The following YIPF3 variants were observed in gnomAD, a reference collection of about 807,000 sequenced individuals.
YIPF3 encodes the protein protein YIPF3.
A neutral mutation model predicts 40.3 loss-of-function variants in YIPF3; 18 were observed. That is an observed-to-expected ratio of 0.45 (90% CI 0.31 to 0.66). The LOEUF is 0.66. YIPF3 is among the 30% of genes least tolerant of loss of function. The probability of loss-of-function intolerance (pLI) is 0.07; values close to 1 mark genes in which losing one functional copy is unlikely to be tolerated. For missense variants in YIPF3, 406 were observed against 452.2 expected (o/e 0.90, Z 0.93); for synonymous variants, 190 against 179.6 (o/e 1.06, Z -0.46).
In YIPF3 at chr6:43,516,901, A is replaced by G; in HGVS notation, c.-94T>C. 1 of 1,401,808 alleles carries G rather than the reference A, an allele frequency of 7.1e-7. No individual in the cohort carries two copies. The highest frequency in any genetic ancestry group is 9.9e-7 in the Non-Finnish European group (1 of 1,013,012). The allele number at this position is 1,401,808 out of a possible 1,614,324, so 86.8% of individuals were successfully genotyped here. A position where few individuals can be genotyped will look rare whatever the true frequency, so the allele number is the denominator to read the frequency against. ...TCCGGAAGGTAGACGTCCAGGGTCG[A>G]GGAGAGGTGGGATCGGCCGGAACAC... On this transcript the variant is annotated 5_prime_UTR_variant, in exon 1 of 9. Coordinates refer to ENST00000372422, the MANE Select transcript of YIPF3 (RefSeq NM_015388.4).
chr6:43,512,804 T>C lies in YIPF3; in HGVS notation c.737A>G (p.Tyr246Cys). The C allele has an allele frequency of 6.2e-7, 1 of 1,613,884 alleles. No homozygotes were observed. The highest frequency in any genetic ancestry group is 2.2e-5 in the East Asian group (1 of 44,856). The change falls in exon 7 of 9, where the codon TAC (tyrosine) becomes TGC (cysteine). Residue 246 changes from tyrosine (Y) to cysteine (C), a missense_variant. Physicochemically the swap from Tyr to Cys is radical, Grantham distance 194. Coordinates refer to ENST00000372422, the MANE Select transcript of YIPF3 (RefSeq NM_015388.4). ...TCCACCCACCAACAGCCAGAAGAGG[T>C]AGAAGAGGGCGTGGAGGTGGATATT... ...TYNIHLHALFYLFWLLVGGLS... is the reference protein window; with the variant it reads ...TYNIHLHALFCLFWLLVGGLS...
chr6:43,512,795 CAGAAGAGGT>C lies in YIPF3; in HGVS notation c.737_745del (p.Tyr246_Phe248del). On this transcript the variant is annotated inframe_deletion, in exon 7 of 9. Coordinates refer to ENST00000372422, the MANE Select transcript of YIPF3 (RefSeq NM_015388.4). Reference sequence around the variant, plus strand: ...TGTGGACAGTCCACCCACCAACAGCCAGAAGAGGTAGAAGAGGGCGTGGAGGTGGATATT... The same window carrying C: ...TGTGGACAGTCCACCCACCAACAGCCAGAAGAGGGCGTGGAGGTGGATATT... The C allele has an allele frequency of 6.2e-7, 1 of 1,613,998 alleles. No homozygotes were observed. Among genetic ancestry groups the C allele is most frequent in the Non-Finnish European group, 8.5e-7 (1 of 1,180,008 alleles).
At position 43,512,278 on chromosome 6, in the gene YIPF3, G is replaced by A. The variant is rs889721135; in HGVS notation, c.942C>T (p.Pro314=). 3 of 1,611,914 alleles carry A rather than the reference G, an allele frequency of 1.9e-6. No individual in the cohort carries two copies. Among genetic ancestry groups the A allele is most frequent in the Non-Finnish European group, 2.5e-6 (3 of 1,178,856 alleles). ...LDTLEGPNIP[P]IQRVPRDIPA... is the part of the protein sequence containing the mutation. ...GGATGTCTCTGGGGACCCTCTGGAT[G>A]GGCGGGATGTTGGGGCCCTCCAGTG... The change falls in exon 9 of 9, where the codon CCC becomes CCT. Residue 314 remains proline (P), a synonymous_variant. Coordinates refer to ENST00000372422, the MANE Select transcript of YIPF3 (RefSeq NM_015388.4).
Position 43,511,985 on chromosome 6 carries a change from G to T in YIPF3, c.*182C>A. Reference sequence around the variant, plus strand: ...CTGCAGAGCCTTGCAGTCCTGGCCAGGAGTTCTTGGCCTTGTGCCTTTCAG... The same window carrying T: ...CTGCAGAGCCTTGCAGTCCTGGCCATGAGTTCTTGGCCTTGTGCCTTTCAG... On this transcript the variant is annotated 3_prime_UTR_variant, in exon 9 of 9. Coordinates refer to ENST00000372422, the MANE Select transcript of YIPF3 (RefSeq NM_015388.4). 1.0e-6 allele frequency: 1 copy of T among 964,318 alleles called. No homozygotes were observed. Among genetic ancestry groups the T allele is most frequent in the Non-Finnish European group, 1.5e-6 (1 of 662,630 alleles). The allele number at this position is 964,318 out of a possible 1,614,324, so 59.7% of individuals were successfully genotyped here.
At position 43,515,743 on chromosome 6, in the gene YIPF3, G is replaced by T; in HGVS notation, c.289-42C>A. 1.9e-6 allele frequency: 3 copies of T among 1,610,120 alleles called. No individual in the cohort carries two copies. The South Asian group carries it at 3.3e-5, about 18-fold the overall frequency. On this transcript the variant is annotated intron_variant, in intron 2 of 8. Transcript: ENST00000372422. ...GGGCATAGGTATTGTGGTACTGTTG[G>T]TTCTAGATCCTGTTGCCTATTTTCC...
chr6:43,514,555 T>C (rs183225941), intron 3 of YIPF3, among the ~76,000 whole-genome samples: 108 of 152,336 alleles, frequency 7.1e-4, no homozygotes, highest in African/African-American at 2.5e-3. Context: ...TCTGGGAAAC[T>C]TGTCCTGTCC....
intron 1 of YIPF3, 129 bp from the exon 2 acceptor site, chr6:43,516,224 G>A (rs1319941285): frequency 8.0e-6 from 12 of 1,497,880 alleles, no homozygotes; most frequent in Non-Finnish European, 9.8e-6. Context: ...TACAGATCAT[G>A]CCACTCCATT....
Position 43,512,002 on chromosome 6 carries a change from G to T in YIPF3, c.*165C>A. The T allele has an allele frequency of 8.7e-7, 1 of 1,144,422 alleles. No homozygotes were observed. Among genetic ancestry groups the T allele is most frequent in the Non-Finnish European group, 1.2e-6 (1 of 814,966 alleles). 70.9% of individuals were successfully genotyped at this position (1,144,422 alleles called of 1,614,324 possible). A position where few individuals can be genotyped will look rare whatever the true frequency, so the allele number is the denominator to read the frequency against. On this transcript the variant is annotated 3_prime_UTR_variant, in exon 9 of 9. Transcript: ENST00000372422. Reference sequence around the variant, plus strand: ...CCTGGCCAGGAGTTCTTGGCCTTGTGCCTTTCAGAAGTGCCGACAGGCATC... The same window carrying T: ...CCTGGCCAGGAGTTCTTGGCCTTGTTCCTTTCAGAAGTGCCGACAGGCATC...
Position 43,515,633 on chromosome 6 carries a change from T to G in YIPF3, c.357A>C (p.Arg119Ser). 6.2e-7 allele frequency: 1 copy of G among 1,613,632 alleles called. No individual in the cohort carries two copies. The highest frequency in any genetic ancestry group is 1.1e-5 in the South Asian group (1 of 91,044). ...FSLYANIDIL[R>S]PYFDVEPAQV... Reference sequence around the variant, plus strand: ...GAGCAGGCTCCACATCAAAGTAGGGTCTGAGGATGTCGATGTTGGCGTACA... The same window carrying G: ...GAGCAGGCTCCACATCAAAGTAGGGGCTGAGGATGTCGATGTTGGCGTACA... Residue 119 changes from arginine to serine, a missense_variant, in exon 3 of 9, where the codon AGA (arginine) becomes AGC (serine). Transcript: ENST00000372422.
intron 5 of YIPF3, 24 bp from the exon 6 acceptor site, chr6:43,513,224 G>T (rs1792708022): frequency 6.2e-7 from 1 of 1,613,834 alleles, no homozygotes; most frequent in African/African-American, 1.3e-5. Context: ...GCTCTATTTA[G>T]TCCTAGGAGG....
intron 1 of YIPF3, chr6:43,516,385 G>A (rs751178412): frequency 1.9e-5 from 13 of 677,132 alleles, no homozygotes; most frequent in African/African-American, 7.3e-5. Flanking sequence ...TCTTTCCTAA[G>A]CCCCAAACAA....
At chr6:43,512,678 T>C in intron 7 of YIPF3, 83 bp downstream of exon 7, 3 of 1,554,268 alleles carry the variant, frequency 1.9e-6, no homozygotes, top group Non-Finnish European at 2.6e-6. Context: ...TTTAGGGCTC[T>C]TTGTGAGATG....
chr6:43,516,500 T>C, intron 1 of YIPF3: 1 of 637,492 alleles, frequency 1.6e-6, no homozygotes, highest in Non-Finnish European at 2.7e-6. Context: ...GAATACCTTC[T>C]TCCTAATGCC....
intron 3 of YIPF3, among the ~76,000 whole-genome samples, chr6:43,514,085 CA>C (rs1792725619): frequency 6.6e-6 from 1 of 152,142 alleles, no homozygotes. Context: ...ACGAAAAATA[CA>C]AAAAATTAGC....
At chr6:43,516,649 C>G in intron 1 of YIPF3, 78 bp downstream of exon 1, 1 of 1,540,236 alleles carries the variant, frequency 6.5e-7, no homozygotes, top group Non-Finnish European at 8.8e-7. Flanking sequence ...CTTCCAGGCC[C>G]AGAGGGGGAA....
At chr6:43,515,405 T>G in intron 3 of YIPF3, 190 bp downstream of exon 3, 1 of 686,698 alleles carries the variant, frequency 1.5e-6, no homozygotes. Flanking sequence ...AGATGAGTAG[T>G]CAGTTAGATG....
chr6:43,513,772 C>T (rs1792718229), intron 3 of YIPF3, 139 bp from the exon 4 acceptor site: 1 of 781,604 alleles, frequency 1.3e-6, no homozygotes, highest in African/African-American at 1.7e-5. Flanking sequence ...CACGGTAGAA[C>T]AGGGTAGTAA....
In YIPF3 at chr6:43,516,915, C is replaced by A; in HGVS notation, c.-108G>T. 1 of 1,325,104 alleles carries A rather than the reference C, an allele frequency of 7.5e-7. No individual in the cohort carries two copies. Among genetic ancestry groups the A allele is most frequent in the African/African-American group, 1.5e-5 (1 of 68,132 alleles). The allele number at this position is 1,325,104 out of a possible 1,614,324, so 82.1% of individuals were successfully genotyped here. ...GTCCAGGGTCGAGGAGAGGTGGGAT[C>A]GGCCGGAACACAAAAAGGAGAAGCC... On this transcript the variant is annotated 5_prime_UTR_variant, in exon 1 of 9. Coordinates refer to ENST00000372422, the MANE Select transcript of YIPF3 (RefSeq NM_015388.4).
Position 43,513,464 on chromosome 6 carries a change from C to G in YIPF3, c.442-13G>C, listed in dbSNP as rs780542848. ...CACCTGCAATTTTCTGTCAATATAC[C>G]AATTCATTCAGGCTGGAGGGTACAA... On this transcript the variant is annotated splice_polypyrimidine_tract_variant and intron_variant, in intron 4 of 8. Coordinates refer to ENST00000372422, the MANE Select transcript of YIPF3 (RefSeq NM_015388.4). 4.3e-6 allele frequency: 7 copies of G among 1,613,940 alleles called. No homozygotes were observed. Among genetic ancestry groups the G allele is most frequent in the Non-Finnish European group, 5.9e-6 (7 of 1,179,942 alleles).
Sources: allele counts gnomAD v4.1 joint callset (sites outside exome capture counted in the v4.1 genomes callset), GRCh38; gene constraint gnomAD v4.1.1; transcripts MANE v1.5; gene names NCBI Gene and HGNC (gene_info 2026-07-23, HGNC 2026-07-21).